The following HMG20A variants were observed in gnomAD, a reference collection of about 807,000 sequenced individuals.
HMG20A encodes high mobility group protein 20A.
Under a neutral mutation model 43.9 loss-of-function variants are expected in HMG20A, and 17 were observed. The ratio of observed to expected loss-of-function variants is 0.39; its 90% CI spans 0.27 to 0.58. The LOEUF (loss-of-function observed/expected upper bound fraction) is 0.58. HMG20A is among the 20% of genes least tolerant of loss of function. The pLI, the probability that HMG20A is intolerant of heterozygous loss-of-function variation, is 0.59. For synonymous variants in HMG20A, 132 were observed against 147.5 expected, an observed-to-expected ratio of 0.89 and a Z score of 0.76; for missense variants, 341 against 438.2, an observed-to-expected ratio of 0.78 and a Z score of 1.98.
chr15:77,468,597 T>A (rs1181461351), intron 4 of HMG20A, among the ~76,000 whole-genome samples: 2 of 147,708 alleles, frequency 1.4e-5, no homozygotes, highest in African/African-American at 2.5e-5. Flanking sequence ...TCTCTCTCTG[T>A]CACACACACA....
chr15:77,469,667 G>C (rs1595928516), intron 4 of HMG20A, among the ~76,000 whole-genome samples: 1 of 151,756 alleles, frequency 6.6e-6, no homozygotes, highest in African/African-American at 2.4e-5. Flanking sequence ...TTGTTTGTTT[G>C]TTTGTTTGTT....
chr15:77,449,707 C>G (rs994806678), intron 1 of HMG20A, among the ~76,000 whole-genome samples: 2 of 151,874 alleles, frequency 1.3e-5, no homozygotes, highest in Non-Finnish European at 2.9e-5. Flanking sequence ...ACAGAGACTT[C>G]CTATATATTC....
At chr15:77,512,513 G>T in the HMG20A span, among the ~76,000 whole-genome samples, 2 of 152,104 alleles carry the variant, frequency 1.3e-5, no homozygotes, top group Non-Finnish European at 1.5e-5. Context: ...GACAATTTGA[G>T]CATCAAAATG....
At chr15:77,466,931 T>C (rs1161171925) in intron 3 of HMG20A, among the ~76,000 whole-genome samples, 164 bp from the exon 4 acceptor site, 2 of 152,244 alleles carry the variant, frequency 1.3e-5, no homozygotes, top group East Asian at 3.8e-4. Flanking sequence ...TTGCTGTCAT[T>C]TGTATATTAC....
At chr15:77,449,936 C>T (rs929964881) in intron 1 of HMG20A, among the ~76,000 whole-genome samples, 2 of 151,694 alleles carry the variant, frequency 1.3e-5, no homozygotes, top group East Asian at 1.9e-4. Context: ...CTAAAAATGC[C>T]GTGTTCCACC....
At chr15:77,478,049 G>T (rs114933544) in intron 7 of HMG20A, 1 of 555,828 alleles carries the variant, frequency 1.8e-6, no homozygotes, top group Non-Finnish European at 3.2e-6. Flanking sequence ...AAAAATACTG[G>T]GAATTGAAAC....
chr15:77,467,176 C>A lies in HMG20A; in HGVS notation c.319C>A (p.Leu107Ile). ...AGACAGCAATGCACCCAAATCCCCC[C>A]TTACAGGATATGTTCGGTTCATGAA... ...LRDSNAPKSP[L>I]TGYVRFMNER... The change falls in exon 4 of 10, where the codon CTT (leucine) becomes ATT (isoleucine). Residue 107 changes from leucine to isoleucine, a missense_variant. Leu to Ile is a conservative substitution (Grantham distance 5). This residue lies in a region of HMG20A where 220 missense variants were observed against 263.6 expected (regional missense o/e 0.83). Coordinates refer to ENST00000336216, the MANE Select transcript of HMG20A (RefSeq NM_001304504.2). 4 of 1,614,134 alleles carry A rather than the reference C, an allele frequency of 2.5e-6. No homozygotes were observed. Among genetic ancestry groups the A allele is most frequent in the Non-Finnish European group, 3.4e-6 (4 of 1,180,010 alleles).
Position 77,478,291 on chromosome 15 carries a change from T to G in HMG20A, c.692-4T>G. ...CATGTGTTCTGTGGGATGTATGTCC[T>G]CAGCTCGGGAAGCAGAGCTCCGCCA... On this transcript the variant is annotated splice_region_variant and splice_polypyrimidine_tract_variant and intron_variant, in intron 7 of 9. Coordinates refer to ENST00000336216, the MANE Select transcript of HMG20A (RefSeq NM_001304504.2). The G allele has an allele frequency of 6.2e-7, 1 of 1,613,094 alleles. No individual in the cohort carries two copies. The highest frequency in any genetic ancestry group is 8.5e-7 in the Non-Finnish European group (1 of 1,179,960).
chr15:77,513,738 T>A, the HMG20A span, among the ~76,000 whole-genome samples: 1 of 151,898 alleles, frequency 6.6e-6, no homozygotes, highest in African/African-American at 2.4e-5. Flanking sequence ...CCTCCTTTTT[T>A]TTTTTTTTGA....
intron 1 of HMG20A, among the ~76,000 whole-genome samples, chr15:77,445,378 G>T (rs1361128260): frequency 6.6e-6 from 1 of 152,136 alleles, no homozygotes; most frequent in East Asian, 1.9e-4. Context: ...AGATACTAGG[G>T]ACCTTTGTTA....
chr15:77,467,084 T>G lies in HMG20A; in HGVS notation c.238-11T>G. 6.2e-7 allele frequency: 1 copy of G among 1,603,756 alleles called. No homozygotes were observed. Among genetic ancestry groups the G allele is most frequent in the Non-Finnish European group, 8.5e-7 (1 of 1,173,662 alleles). On this transcript the variant is annotated splice_polypyrimidine_tract_variant and intron_variant, in intron 3 of 9. Transcript: ENST00000336216. ...TTGGTTTTTGGTTTTTTATTTTGTT[T>G]TGTTTTGTAGCAACGAAGTAAACGA...
At chr15:77,486,314 G>T (rs1182905556), downstream of HMG20A, among the ~76,000 whole-genome samples, 1 of 145,842 alleles carries the variant, frequency 6.9e-6, no homozygotes, top group Non-Finnish European at 1.5e-5. Context: ...AGCCTGGAGT[G>T]CAGTGGCACG....
rs939373866 is a variant in HMG20A, at chr15:77,431,155, A to G, written c.-5+10151A>G. Among the ~76,000 whole-genome samples, 10 of 152,136 alleles carry G rather than the reference A, an allele frequency of 6.6e-5. No homozygotes were observed. In the East Asian group the frequency reaches 1.7e-3, roughly 26 times the overall value. ...ATAATGGGGGCCAGAAAACAATACA[A>G]TGTAACTTTTTTGTTTGTTTTTTTG... On this transcript the variant is annotated intron_variant, in intron 1 of 9. Transcript: ENST00000336216.
At chr15:77,506,698 G>A in the HMG20A span, among the ~76,000 whole-genome samples, 21 of 152,324 alleles carry the variant, frequency 1.4e-4, no homozygotes, top group South Asian at 2.3e-3. Context: ...CCCACGTTCC[G>A]GTTTTCACGC....
intron 2 of HMG20A, among the ~76,000 whole-genome samples, chr15:77,460,773 G>A (rs533176129): frequency 1.3e-5 from 2 of 152,230 alleles, no homozygotes; most frequent in African/African-American, 2.4e-5. Flanking sequence ...ATCACTTGAG[G>A]TCAGGAGTTC....
chr15:77,502,598 C>T, the HMG20A span, among the ~76,000 whole-genome samples: 27 of 152,270 alleles, frequency 1.8e-4, no homozygotes, highest in Non-Finnish European at 2.1e-4. Context: ...AGCCACATGA[C>T]GACAGAGATG....
At position 77,458,456 on chromosome 15, in the gene HMG20A, GA is replaced by G; in HGVS notation, c.51del (p.Asp18ThrfsTer14). ...SSTLPPLFADEDGSKESNDLA... is the reference protein window; with the variant it reads ...SSTLPPLFADXDGSKESNDLA... Reference sequence around the variant, plus strand: ...CACCCTACCGCCCCTTTTTGCAGATGAAGACGGTTCCAAGGAGAGTAATGAT... The same window carrying G: ...CACCCTACCGCCCCTTTTTGCAGATGAGACGGTTCCAAGGAGAGTAATGAT... On this transcript the variant is annotated frameshift_variant, in exon 2 of 10. Transcript: ENST00000336216. LOFTEE classifies it high-confidence loss of function. 1 of 1,613,428 alleles carries G rather than the reference GA, an allele frequency of 6.2e-7. No individual in the cohort carries two copies. The highest frequency in any genetic ancestry group is 8.5e-7 in the Non-Finnish European group (1 of 1,179,532).
intron 1 of HMG20A, among the ~76,000 whole-genome samples, chr15:77,454,555 T>TTTG (rs1321797723): frequency 6.6e-6 from 1 of 152,198 alleles, no homozygotes; most frequent in Non-Finnish European, 1.5e-5. Context: ...AAGTGATTAC[T>TTTG]AAGAGCATAG....
chr15:77,450,715 A>G (rs564603079), intron 1 of HMG20A, among the ~76,000 whole-genome samples: 1 of 152,350 alleles, frequency 6.6e-6, no homozygotes, highest in Admixed American at 6.5e-5. Context: ...TGTTAACAAC[A>G]AACAATGGCA....
Sources: allele counts gnomAD v4.1 joint callset (sites outside exome capture counted in the v4.1 genomes callset), GRCh38; gene constraint gnomAD v4.1.1; regional missense constraint gnomAD v4.1.1; transcripts MANE v1.5; gene names NCBI Gene and HGNC (gene_info 2026-07-23, HGNC 2026-07-21).